Variants in TYW1B observed in about 807,000 individuals in gnomAD.
TYW1B encodes S-adenosyl-L-methionine-dependent tRNA 4-demethylwyosine synthase TYW1B.
In TYW1B, 73 loss-of-function variants were observed where a neutral mutation model predicts 86.9. The observed-to-expected ratio is 0.84, with a 90% CI of 0.70 to 1.02. The LOEUF (loss-of-function observed/expected upper bound fraction) is 1.02, where lower values mean the gene tolerates loss of function less well. TYW1B is among the 50% of genes least tolerant of loss of function. TYW1B has a pLI of 0.00. For missense variants in TYW1B, 637 were observed against 827.4 expected (o/e 0.77, Z 2.82); for synonymous variants, 248 against 292.8 (o/e 0.85, Z 1.56).
chr7:72,727,664 C>T (rs1787024780), intron 9 of TYW1B, among the ~76,000 whole-genome samples: 1 of 151,862 alleles, frequency 6.6e-6, no homozygotes, highest in African/African-American at 2.4e-5. Flanking sequence ...AAAAAATTAG[C>T]CAGGCGTGGT....
intron 10 of TYW1B, among the ~76,000 whole-genome samples, chr7:72,700,836 G>C (rs187830369): frequency 6.6e-6 from 1 of 152,058 alleles, no homozygotes; most frequent in Non-Finnish European, 1.5e-5. Flanking sequence ...GGAGGGCGAG[G>C]GGGGCAGATC....
chr7:72,652,479 C>T (rs1230386581), intron 11 of TYW1B, among the ~76,000 whole-genome samples: 2 of 150,362 alleles, frequency 1.3e-5, no homozygotes, highest in South Asian at 4.2e-4. Flanking sequence ...TACAACATGG[C>T]TAAATGATAG....
intron 13 of TYW1B, among the ~76,000 whole-genome samples, chr7:72,609,550 TGA>T (rs1450566811): frequency 1.3e-5 from 2 of 151,288 alleles, no homozygotes; most frequent in Admixed American, 6.6e-5. Context: ...CAGAGTGAGA[TGA>T]GACCCTGTCT....
intron 11 of TYW1B, among the ~76,000 whole-genome samples, chr7:72,693,019 T>TG (rs560319529): frequency 1.2e-3 from 181 of 152,244 alleles, no homozygotes; most frequent in Non-Finnish European, 7.6e-4. Flanking sequence ...CTCCCATATC[T>TG]GGCTGCATAC....
intron 4 of TYW1B, among the ~76,000 whole-genome samples, 182 bp downstream of exon 4, chr7:72,810,289 A>C (rs1333358885): frequency 1.3e-5 from 2 of 152,226 alleles, no homozygotes; most frequent in African/African-American, 2.4e-5. Context: ...ATCAATCAAT[A>C]AATAAAATAA....
At chr7:72,824,293 T>C (rs1394816039) in intron 2 of TYW1B, among the ~76,000 whole-genome samples, 1 of 152,182 alleles carries the variant, frequency 6.6e-6, no homozygotes, top group Non-Finnish European at 1.5e-5. Flanking sequence ...AATCTTTTCC[T>C]AGAAAGCACT....
intron 6 of TYW1B, among the ~76,000 whole-genome samples, chr7:72,780,208 G>A (rs1213054895): frequency 6.6e-6 from 1 of 152,058 alleles, no homozygotes; most frequent in Non-Finnish European, 1.5e-5. Flanking sequence ...GGGCTCAAGC[G>A]ATCCTCCCGC....
Position 72,732,720 on chromosome 7 carries a change from A to C in TYW1B, c.1083-3789T>G, listed in dbSNP as rs1205961137. 7.9e-5 allele frequency among the ~76,000 whole-genome samples: 12 copies of C among 152,154 alleles called. No individual in the cohort carries two copies. In the East Asian group the frequency reaches 2.3e-3, roughly 29 times the overall value. On this transcript the variant is annotated intron_variant, in intron 8 of 13. Transcript: ENST00000620995. ...TTCAGGGAACTAGAAAAGCAAAAACAAACCAAACCCAAAATTACTAGAACA... is the reference window on the plus strand; with the variant it reads ...TTCAGGGAACTAGAAAAGCAAAAACCAACCAAACCCAAAATTACTAGAACA...
intron 7 of TYW1B, among the ~76,000 whole-genome samples, chr7:72,774,543 A>G (rs1787921441): frequency 1.3e-5 from 2 of 151,960 alleles, no homozygotes; most frequent in Admixed American, 1.3e-4. Context: ...TAACACGGTA[A>G]AACCCCGTCT....
intron 11 of TYW1B, among the ~76,000 whole-genome samples, chr7:72,657,504 T>C (rs1397643411): frequency 2.6e-5 from 4 of 152,042 alleles, no homozygotes; most frequent in African/African-American, 7.2e-5. Context: ...GGCTCAAAGA[T>C]CCCCACATAT....
intron 4 of TYW1B, among the ~76,000 whole-genome samples, chr7:72,809,535 TC>T (rs1314391297): frequency 1.3e-5 from 2 of 152,008 alleles, no homozygotes; most frequent in Non-Finnish European, 2.9e-5. Context: ...CGCCTATAGT[TC>T]CAGCTACTAG....
At chr7:72,783,454 A>G (rs1788081945) in intron 6 of TYW1B, among the ~76,000 whole-genome samples, 1 of 151,822 alleles carries the variant, frequency 6.6e-6, no homozygotes, top group Non-Finnish European at 1.5e-5. Flanking sequence ...ATATTAATCT[A>G]AACTAATAAA....
chr7:72,731,678 T>G (rs1787113415), intron 8 of TYW1B, among the ~76,000 whole-genome samples: 1 of 152,186 alleles, frequency 6.6e-6, no homozygotes. Flanking sequence ...GTGTGGTGGC[T>G]CACACCTGTA....
At chr7:72,629,400 T>C (rs1554439510) in intron 11 of TYW1B, among the ~76,000 whole-genome samples, 1 of 152,200 alleles carries the variant, frequency 6.6e-6, no homozygotes, top group Non-Finnish European at 1.5e-5. Context: ...GTGACAAGAA[T>C]TGTTAGCAAG....
chr7:72,593,452 T>C (rs1243752368), intron 13 of TYW1B, among the ~76,000 whole-genome samples: 1 of 152,142 alleles, frequency 6.6e-6, no homozygotes, highest in Non-Finnish European at 1.5e-5. Flanking sequence ...TAAGTTAGGC[T>C]ACCAATTAGG....
At chr7:72,750,932 T>C (rs1186506300) in intron 7 of TYW1B, among the ~76,000 whole-genome samples, 1 of 152,198 alleles carries the variant, frequency 6.6e-6, no homozygotes, top group Non-Finnish European at 1.5e-5. Context: ...TGACTTCAGA[T>C]GTTTAAATTA....
chr7:72,674,491 T>C (rs1385261817), intron 11 of TYW1B, among the ~76,000 whole-genome samples: 3 of 152,020 alleles, frequency 2.0e-5, no homozygotes, highest in African/African-American at 7.2e-5. Flanking sequence ...CTCAAAGATT[T>C]TTTTTTTAAT....
At chr7:72,714,488 T>C (rs1554455468) in intron 9 of TYW1B, among the ~76,000 whole-genome samples, 1 of 149,840 alleles carries the variant, frequency 6.7e-6, no homozygotes, top group East Asian at 2.0e-4. Flanking sequence ...CTGGGCATGG[T>C]GGCACATGTC....
Position 72,682,878 on chromosome 7 carries a change from TTCCAGACAGA to T in TYW1B, c.1506+11799_1506+11808del, listed in dbSNP as rs1813909335. 2.0e-5 allele frequency among the ~76,000 whole-genome samples: 3 copies of T among 152,126 alleles called. No homozygotes were observed. The South Asian group carries it at 6.2e-4, about 31-fold the overall frequency. ...TGTGGACAAGTCTGACACATAAAAATTCCAGACAGATCCAGTCATTAGGGGCCCTACACTT... is the reference window on the plus strand; with the variant it reads ...TGTGGACAAGTCTGACACATAAAAATTCCAGTCATTAGGGGCCCTACACTT... On this transcript the variant is annotated intron_variant, in intron 11 of 13. Coordinates refer to ENST00000620995, the MANE Select transcript of TYW1B (RefSeq NM_001145440.3).
Sources: gnomAD v4.1 joint callset for allele counts (sites outside exome capture counted in the v4.1 genomes callset) on GRCh38, gnomAD v4.1.1 for gene constraint, MANE v1.5 for transcripts, NCBI Gene and HGNC (gene_info 2026-07-23, HGNC 2026-07-21) for gene names.